The following OPCML variants were observed in gnomAD, a reference collection of about 807,000 sequenced individuals.
The protein encoded by OPCML is opioid-binding protein/cell adhesion molecule.
Under a neutral mutation model 37.8 loss-of-function variants are expected in OPCML, and 13 were observed. That is an observed-to-expected ratio of 0.34 (90% CI 0.22 to 0.55). OPCML has a LOEUF of 0.55. Ranked by LOEUF, OPCML falls within the 20% of genes least tolerant of loss-of-function variation. OPCML has a pLI of 0.91. For synonymous variants in OPCML, 176 were observed against 168.8 expected, an observed-to-expected ratio of 1.04 and a Z score of -0.33; for missense variants, 341 against 435.6, an observed-to-expected ratio of 0.78 and a Z score of 1.93.
intron 2 of OPCML, among the ~76,000 whole-genome samples, chr11:132,779,942 C>A (rs1946943820): frequency 6.6e-6 from 1 of 152,094 alleles, no homozygotes; most frequent in Non-Finnish European, 1.5e-5. Flanking sequence ...TTCTTCTTTA[C>A]TTATTTTTTT....
chr11:132,897,883 G>A (rs941020285), intron 2 of OPCML, among the ~76,000 whole-genome samples: 13 of 152,138 alleles, frequency 8.5e-5, no homozygotes, highest in African/African-American at 3.1e-4. Context: ...TCTCTGAGTC[G>A]GCAAAGGATG....
At chr11:132,765,270 A>G (rs941713147) in intron 2 of OPCML, among the ~76,000 whole-genome samples, 1 of 152,234 alleles carries the variant, frequency 6.6e-6, no homozygotes, top group African/African-American at 2.4e-5. Context: ...GGCTAATGTG[A>G]GTAATAAGTA....
At chr11:132,504,966 G>C (rs1161017105) in intron 4 of OPCML, among the ~76,000 whole-genome samples, 1 of 152,058 alleles carries the variant, frequency 6.6e-6, no homozygotes. Context: ...GAGTCAATGA[G>C]TGCCCCCCAA....
intron 2 of OPCML, among the ~76,000 whole-genome samples, chr11:132,790,653 T>C (rs372482726): frequency 2.0e-5 from 3 of 152,174 alleles, no homozygotes; most frequent in African/African-American, 7.2e-5. Context: ...ACGGCCTTCA[T>C]TGGAACAGAC....
intron 4 of OPCML, among the ~76,000 whole-genome samples, chr11:132,459,257 T>G (rs528928712): frequency 6.6e-6 from 1 of 152,152 alleles, no homozygotes; most frequent in East Asian, 1.9e-4. Context: ...CTTCCACTGT[T>G]GGTTCTGCTG....
intron 1 of OPCML, among the ~76,000 whole-genome samples, chr11:132,953,025 G>T (rs898303628): frequency 2.8e-4 from 43 of 152,104 alleles, no homozygotes; most frequent in African/African-American, 9.2e-4. Flanking sequence ...TTATCTATGA[G>T]GTTCCCCAAG....
chr11:133,190,962 GT>G (rs1938287215), intron 1 of OPCML, among the ~76,000 whole-genome samples: 1 of 151,774 alleles, frequency 6.6e-6, no homozygotes, highest in Non-Finnish European at 1.5e-5. Context: ...TTATGTGAAA[GT>G]TTTTGTGTAG....
rs1000194404 is a variant in OPCML at position 133,174,732 on chromosome 11, A to G, written c.62-231722T>C. Among the ~76,000 whole-genome samples, 1 of 150,988 alleles carries G rather than the reference A, an allele frequency of 6.6e-6. No homozygotes were observed. Among genetic ancestry groups the G allele is most frequent in the African/African-American group, 2.5e-5 (1 of 40,760 alleles). On this transcript the variant is annotated intron_variant, in intron 1 of 7. Coordinates refer to ENST00000524381, the MANE Select transcript of OPCML (RefSeq NM_001012393.5). The surrounding 1 kb of genome is among the most constrained non-coding windows in gnomAD (Gnocchi z 4.6). Reference sequence around the variant, plus strand: ...CTGAAAAATAAATTTATGTTTGCCTATCTATATTTTCATCTCTCTGACTGT... The same window carrying G: ...CTGAAAAATAAATTTATGTTTGCCTGTCTATATTTTCATCTCTCTGACTGT...
At chr11:133,126,369 C>T (rs1949515986) in intron 1 of OPCML, among the ~76,000 whole-genome samples, 1 of 152,128 alleles carries the variant, frequency 6.6e-6, no homozygotes, top group Non-Finnish European at 1.5e-5. Flanking sequence ...GATCTGAATT[C>T]AGCCTGTCAG....
chr11:132,619,695 A>T (rs997864744), intron 3 of OPCML, among the ~76,000 whole-genome samples: 20 of 150,868 alleles, frequency 1.3e-4, no homozygotes, highest in African/African-American at 4.4e-4. Flanking sequence ...AAAAAAAAAA[A>T]AAAAAAATTA....
At chr11:133,008,925 G>A in intron 1 of OPCML, 2 of 985,424 alleles carry the variant, frequency 2.0e-6, no homozygotes, top group Non-Finnish European at 1.2e-6. Context: ...ACCTGATTAA[G>A]GAGTCACAGC....
At chr11:133,140,901 C>A (rs62637823) in intron 1 of OPCML, among the ~76,000 whole-genome samples, 156 of 3,034 alleles carry the variant, frequency 0.051, 19 homozygotes, top group East Asian at 0.5. Context: ...ACGAAGACGA[C>A]GACGACGAAG....
chr11:133,031,736 T>G (rs1392723073), intron 1 of OPCML, among the ~76,000 whole-genome samples: 2 of 152,074 alleles, frequency 1.3e-5, no homozygotes, highest in African/African-American at 2.4e-5. Flanking sequence ...AGTTCTGGAA[T>G]TATTGGGACT....
chr11:133,477,555 C>A (rs191735304), intron 1 of OPCML, among the ~76,000 whole-genome samples: 1 of 152,082 alleles, frequency 6.6e-6, no homozygotes, highest in Non-Finnish European at 1.5e-5. Flanking sequence ...AAGTTTGATG[C>A]GGGTTTTTTT....
rs1291367582 is a variant in OPCML at position 133,198,599 on chromosome 11, C to T, written c.62-255589G>A. Reference sequence around the variant, plus strand: ...GAGACAAGAGGGCAGCATGGGAACACGTGAAGCACTGTGGAGAGGTGGACT... The same window carrying T: ...GAGACAAGAGGGCAGCATGGGAACATGTGAAGCACTGTGGAGAGGTGGACT... On this transcript the variant is annotated intron_variant, in intron 1 of 7. Transcript: ENST00000524381. Among the ~76,000 whole-genome samples the T allele has an allele frequency of 3.3e-5, 5 of 152,210 alleles. No individual in the cohort carries two copies. The South Asian group carries it at 6.2e-4, about 19-fold the overall frequency.
chr11:133,107,842 CTTAAT>C (rs1007240341), intron 1 of OPCML, among the ~76,000 whole-genome samples: 2 of 152,166 alleles, frequency 1.3e-5, no homozygotes, highest in African/African-American at 2.4e-5. Flanking sequence ...GCCTACTTGT[CTTAAT>C]TTATTTTTTA....
At chr11:133,233,404 C>A (rs1348559299) in intron 1 of OPCML, among the ~76,000 whole-genome samples, 2 of 152,170 alleles carry the variant, frequency 1.3e-5, no homozygotes, top group Admixed American at 1.3e-4. Flanking sequence ...GAAAGGTGCC[C>A]TCCCTGTACC....
intron 4 of OPCML, among the ~76,000 whole-genome samples, chr11:132,514,733 G>T (rs545122935): frequency 3.3e-5 from 5 of 152,268 alleles, no homozygotes; most frequent in Non-Finnish European, 7.3e-5. Flanking sequence ...ACAAAGTGTG[G>T]TAGGAAGTTT....
intron 1 of OPCML, among the ~76,000 whole-genome samples, chr11:133,260,960 A>AT (rs1451206007): frequency 6.6e-6 from 1 of 152,142 alleles, no homozygotes; most frequent in Non-Finnish European, 1.5e-5. Flanking sequence ...TGGAACACTA[A>AT]TTTTTTGTTC....
Sources: gnomAD v4.1 joint callset for allele counts (sites outside exome capture counted in the v4.1 genomes callset) on GRCh38, gnomAD v4.1.1 for gene constraint, Gnocchi (gnomAD v3.1) non-coding constraint, MANE v1.5 for transcripts, NCBI Gene and HGNC (gene_info 2026-07-23, HGNC 2026-07-21) for gene names.